Variants in SETDB2 observed in about 807,000 individuals in gnomAD.
The protein encoded by SETDB2 is histone-lysine N-methyltransferase SETDB2.
Under a neutral mutation model 82.5 loss-of-function variants are expected in SETDB2, and 56 were observed. The ratio of observed to expected loss-of-function variants is 0.68; its 90% CI spans 0.55 to 0.85. SETDB2 has a LOEUF of 0.85. SETDB2 is among the 40% of genes least tolerant of loss of function. SETDB2 has a pLI of 0.00. For synonymous variants in SETDB2, 272 were observed against 284.9 expected (o/e 0.95, Z 0.46); for missense variants, 677 against 816.4 (o/e 0.83, Z 2.08).
chr13:49,490,279 C>CAAAAAAAAAA (rs60013535), intron 12 of SETDB2, among the ~76,000 whole-genome samples: 1 of 83,176 alleles, frequency 1.2e-5, no homozygotes, highest in African/African-American at 4.6e-5. Flanking sequence ...GACTCCGTCT[C>CAAAAAAAAAA]AAAAAAAAAA....
At chr13:49,490,080 C>T (rs560815344) in intron 12 of SETDB2, among the ~76,000 whole-genome samples, 32 of 150,344 alleles carry the variant, frequency 2.1e-4, no homozygotes, top group South Asian at 1.1e-3. Context: ...AGTTTGAGAC[C>T]AGCCTGGCCA....
intron 4 of SETDB2, among the ~76,000 whole-genome samples, chr13:49,466,684 G>C (rs148785348): frequency 6.6e-6 from 1 of 151,872 alleles, no homozygotes; most frequent in Non-Finnish European, 1.5e-5. Context: ...TTCCTCTGTC[G>C]CTCAGGCTGG....
intron 12 of SETDB2, among the ~76,000 whole-genome samples, chr13:49,489,928 T>TC (rs201687543): frequency 0.22 from 23,448 of 104,870 alleles, 3,910 homozygotes; most frequent in South Asian, 0.36. Context: ...CTTTTTTTTT[T>TC]ACATAAAACA....
intron 5 of SETDB2, among the ~76,000 whole-genome samples, chr13:49,475,632 A>T (rs1014960322): frequency 9.2e-5 from 14 of 152,046 alleles, no homozygotes; most frequent in Admixed American, 7.2e-4. Flanking sequence ...AACTACAGGC[A>T]TGCACCACCA....
At chr13:49,461,013 G>T (rs1306875924) in intron 3 of SETDB2, 84 bp from the exon 4 acceptor site, 11 of 1,025,780 alleles carry the variant, frequency 1.1e-5, no homozygotes, top group Non-Finnish European at 1.6e-5. Context: ...AAGATTAAAT[G>T]AGATAAAATA....
At chr13:49,479,151 A>G (rs1217401560) in intron 6 of SETDB2, among the ~76,000 whole-genome samples, 1 of 152,198 alleles carries the variant, frequency 6.6e-6, no homozygotes, top group Non-Finnish European at 1.5e-5. Flanking sequence ...AGCATAAAGG[A>G]TGCCACACTA....
chr13:49,463,888 A>G (rs1958049134), intron 4 of SETDB2: 4 of 640,776 alleles, frequency 6.2e-6, no homozygotes, highest in Non-Finnish European at 8.4e-6. Context: ...CTGGCTTCTT[A>G]GATAGTATTA....
intron 7 of SETDB2, among the ~76,000 whole-genome samples, chr13:49,480,647 G>T (rs1011889612): frequency 6.6e-6 from 1 of 152,042 alleles, no homozygotes; most frequent in African/African-American, 2.4e-5. Context: ...TTTGAGAATT[G>T]GGAATTTTCA....
chr13:49,444,283 G>A lies in SETDB2; in HGVS notation c.-916G>A, dbSNP rs1029124551. The A allele has an allele frequency of 1.2e-4, 41 of 329,480 alleles. No homozygotes were observed. Among genetic ancestry groups the A allele is most frequent in the South Asian group, 8.8e-4 (39 of 44,104 alleles). 20.4% of individuals were successfully genotyped at this position (329,480 alleles called of 1,614,324 possible). On this transcript the variant is annotated 5_prime_UTR_variant, in exon 1 of 14. Transcript: ENST00000611815. ...CGGCCTGGTCCCCGGCGGAGGTTAC[G>A]CCTTCCCTCATCCCCGGTAGAGGCA...
At chr13:49,485,176 A>G (rs956034309) in intron 10 of SETDB2, among the ~76,000 whole-genome samples, 1 of 152,232 alleles carries the variant, frequency 6.6e-6, no homozygotes, top group African/African-American at 2.4e-5. Flanking sequence ...TATCATTACT[A>G]CTTAAAGTGA....
chr13:49,466,760 T>G (rs1270677223), intron 4 of SETDB2, among the ~76,000 whole-genome samples: 1 of 151,072 alleles, frequency 6.6e-6, no homozygotes, highest in Non-Finnish European at 1.5e-5. Context: ...TGTTTCCACC[T>G]CAGTTCCTAA....
intron 11 of SETDB2, among the ~76,000 whole-genome samples, chr13:49,486,962 C>CA (rs1227867074): frequency 6.6e-6 from 1 of 151,976 alleles, no homozygotes; most frequent in Non-Finnish European, 1.5e-5. Context: ...AAAGGTCTAT[C>CA]AAAAAAGGGG....
intron 5 of SETDB2, among the ~76,000 whole-genome samples, chr13:49,468,426 A>G (rs1336439354): frequency 6.6e-6 from 1 of 151,940 alleles, no homozygotes; most frequent in Admixed American, 6.6e-5. Context: ...TTCCATAAAG[A>G]TTCTTTGGCA....
chr13:49,490,769 A>G, intron 12 of SETDB2, 53 bp from the exon 13 acceptor site: 1 of 1,312,262 alleles, frequency 7.6e-7, no homozygotes. Flanking sequence ...CAAAAGCACA[A>G]GGCATCAGAC....
rs920423595 is a variant in SETDB2, at chr13:49,492,790, C to G, written c.*941C>G. On this transcript the variant is annotated 3_prime_UTR_variant, in exon 14 of 14. Coordinates refer to ENST00000611815, the MANE Select transcript of SETDB2 (RefSeq NM_001160308.3). ...CTTGGGCAACATGTCAAAACCCTGT[C>G]TCTACAAAAAATACAAAAATTAGCC... 6.6e-6 allele frequency: 1 copy of G among 152,186 alleles called. No homozygotes were observed. The highest frequency in any genetic ancestry group is 1.9e-4 in the East Asian group (1 of 5,184). The allele number at this position is 152,186 out of a possible 1,614,324, so 9.4% of individuals were successfully genotyped here. A position where few individuals can be genotyped will look rare whatever the true frequency, so the allele number is the denominator to read the frequency against.
intron 12 of SETDB2, among the ~76,000 whole-genome samples, chr13:49,490,310 G>A (rs1164574074): frequency 7.0e-6 from 1 of 143,548 alleles, no homozygotes; most frequent in African/African-American, 2.5e-5. Flanking sequence ...AAATCTTGTG[G>A]CAATTCCATA....
intron 12 of SETDB2, among the ~76,000 whole-genome samples, chr13:49,489,529 G>A (rs1211086928): frequency 6.9e-6 from 1 of 144,594 alleles, no homozygotes; most frequent in Admixed American, 6.9e-5. Context: ...GCCATACCTT[G>A]AGAAGTACTG....
Position 49,476,496 on chromosome 13 carries a change from TTC to T in SETDB2, c.334_335del (p.Leu112Ter). ...AACAGAACAACAGAAAATAAGGAAATTCTCTCTCTTGAAGATAAAGTTGTAGA... is the reference window on the plus strand; with the variant it reads ...AACAGAACAACAGAAAATAAGGAAATTCTCTCTTGAAGATAAAGTTGTAGA... On this transcript the variant is annotated frameshift_variant, in exon 6 of 14. Transcript: ENST00000611815. LOFTEE classifies it high-confidence loss of function. 1 of 1,575,522 alleles carries T rather than the reference TTC, an allele frequency of 6.3e-7. No individual in the cohort carries two copies. The highest frequency in any genetic ancestry group is 8.6e-7 in the Non-Finnish European group (1 of 1,161,350).
At chr13:49,479,764 A>G (rs756155584) in intron 6 of SETDB2, among the ~76,000 whole-genome samples, 1 of 152,206 alleles carries the variant, frequency 6.6e-6, no homozygotes, top group African/African-American at 2.4e-5. Context: ...AAAGGATTCA[A>G]TAATAGTAGG....
Sources: gnomAD v4.1 joint callset for allele counts (sites outside exome capture counted in the v4.1 genomes callset) on GRCh38, gnomAD v4.1.1 for gene constraint, MANE v1.5 for transcripts, NCBI Gene and HGNC (gene_info 2026-07-23, HGNC 2026-07-21) for gene names.